DHRSX: variants seen among roughly 807,000 people sequenced by gnomAD.
DHRSX encodes dehydrogenase/reductase X-linked.
In DHRSX, 31 loss-of-function variants were observed where a neutral mutation model predicts 34.0. The observed-to-expected ratio is 0.91, with a 90% CI of 0.69 to 1.23. DHRSX has a LOEUF of 1.23. Among genes scored for constraint, DHRSX ranks in the 50% most tolerant of loss-of-function variants. DHRSX has a pLI of 0.00. For missense variants in DHRSX, 414 were observed against 428.1 expected (o/e 0.97, Z 0.29); for synonymous variants, 201 against 183.8 (o/e 1.09, Z -0.76).
chrX:2,400,869 C>A (rs1383883571), intron 3 of DHRSX, among the ~76,000 whole-genome samples: 6 of 152,162 alleles, frequency 3.9e-5, no homozygotes, highest in Non-Finnish European at 8.8e-5. Flanking sequence ...TTTTATAGGT[C>A]ATTGGATAGG....
At chrX:2,386,156 A>ATTATTTAT (rs768572407) in intron 3 of DHRSX, among the ~76,000 whole-genome samples, 15,884 of 143,802 alleles carry the variant, frequency 0.11, 937 homozygotes, top group Middle Eastern at 0.18. Flanking sequence ...TAGATAATCA[A>ATTATTTAT]TTATTTATTT....
rs2043825695 is a variant in DHRSX at position 2,425,098 on chromosome X, C to T, written c.217+99G>A. ...GAGGCTGCAGTGAGCCAAGATTGCACCACTGCAGTCCAGCACGGGTTGACG... is the reference window on the plus strand; with the variant it reads ...GAGGCTGCAGTGAGCCAAGATTGCATCACTGCAGTCCAGCACGGGTTGACG... On this transcript the variant is annotated intron_variant, in intron 2 of 6. Transcript: ENST00000334651. The T allele has an allele frequency of 5.7e-6, 5 of 881,872 alleles. No individual in the cohort carries two copies. In the Admixed American group the frequency reaches 1.1e-4, roughly 19 times the overall value. The allele number at this position is 881,872 out of a possible 1,614,324, so 54.6% of individuals were successfully genotyped here.
rs1049305002 is a variant in DHRSX, at chrX:2,349,900, G to A, written c.287-58297C>T. Among the ~76,000 whole-genome samples the A allele has an allele frequency of 6.7e-4, 96 of 142,726 alleles. 2 individuals carry two copies. The highest frequency in any genetic ancestry group is 2.1e-4 in the Non-Finnish European group (13 of 62,796). 93.6% of individuals were successfully genotyped at this position (142,726 alleles called of 152,430 possible). A position where few individuals can be genotyped will look rare whatever the true frequency, so the allele number is the denominator to read the frequency against. ...AAAAATACAAAAAAATTAGCCAGGC[G>A]TGGTGGCAGGCGCCTGCAGTCCCAG... On this transcript the variant is annotated intron_variant, in intron 3 of 6. Coordinates refer to ENST00000334651, the MANE Select transcript of DHRSX (RefSeq NM_145177.3).
At chrX:2,226,970 G>C (rs774873292) in intron 6 of DHRSX, among the ~76,000 whole-genome samples, 2 of 149,590 alleles carry the variant, frequency 1.3e-5, no homozygotes, top group South Asian at 4.6e-4. Flanking sequence ...TGCAGAATAA[G>C]AAGGGTTCGA....
At chrX:2,221,285 G>C in intron 6 of DHRSX, 56 bp from the exon 7 acceptor site, 1 of 1,560,502 alleles carries the variant, frequency 6.4e-7, no homozygotes, top group Non-Finnish European at 8.7e-7. Flanking sequence ...CAGGAAACAG[G>C]AGTCTCAGGA....
intron 1 of DHRSX, among the ~76,000 whole-genome samples, chrX:2,441,286 GC>G (rs2044059378): frequency 6.6e-6 from 1 of 152,180 alleles, no homozygotes; most frequent in Admixed American, 6.5e-5. Flanking sequence ...AGGGGAAGAG[GC>G]CTGGTCCCTG....
At position 2,490,528 on chromosome X, in the gene DHRSX, G is replaced by A. The variant is rs184658668; in HGVS notation, c.109+10289C>T. 87 of 1,614,004 alleles carry A rather than the reference G, an allele frequency of 5.4e-5. No individual in the cohort carries two copies. In the East Asian group the frequency reaches 8.5e-4, roughly 16 times the overall value. ...CGGGGTGGTTCTTCTCCAGGTGGTA[G>A]GACAGGTTGGAGGTGTTTCCGGAGT... On this transcript the variant is annotated intron_variant, in intron 1 of 6. Transcript: ENST00000334651.
chrX:2,235,798 TAATA>T, intron 6 of DHRSX, among the ~76,000 whole-genome samples: 1 of 145,688 alleles, frequency 6.9e-6, no homozygotes, highest in African/African-American at 2.5e-5. Flanking sequence ...TTTAAATTTA[TAATA>T]AATAAGCAAA....
At chrX:2,323,129 G>A (rs189360727) in intron 3 of DHRSX, among the ~76,000 whole-genome samples, 2 of 151,594 alleles carry the variant, frequency 1.3e-5, no homozygotes, top group Admixed American at 1.3e-4. Context: ...AGCCAGAGCT[G>A]ACTAAGACAG....
At chrX:2,418,929 T>A (rs1446355529) in intron 2 of DHRSX, among the ~76,000 whole-genome samples, 2 of 149,422 alleles carry the variant, frequency 1.3e-5, no homozygotes, top group Non-Finnish European at 3.0e-5. Context: ...GAACCCCCCC[T>A]GCCCTACATC....
intron 5 of DHRSX, among the ~76,000 whole-genome samples, chrX:2,247,105 T>C (rs922485508): frequency 2.6e-5 from 4 of 152,016 alleles, no homozygotes; most frequent in African/African-American, 7.2e-5. Flanking sequence ...TACACCACCA[T>C]GCCCAGATAA....
chrX:2,344,571 G>A (rs758398421), intron 3 of DHRSX, among the ~76,000 whole-genome samples: 2 of 152,080 alleles, frequency 1.3e-5, no homozygotes, highest in East Asian at 3.9e-4. Context: ...GCAGGGACAT[G>A]GATGAAGCTG....
intron 3 of DHRSX, among the ~76,000 whole-genome samples, chrX:2,304,315 GGATGGATGGATGGATGGATGAACT>G (rs773612703): frequency 1.5e-5 from 2 of 130,206 alleles, no homozygotes; most frequent in Non-Finnish European, 3.2e-5. Flanking sequence ...ATGGATGAAT[GGATGGATGGATGGATGGATGAACT>G]GATGGATGGA....
chrX:2,441,304 C>T (rs148017912), intron 1 of DHRSX, among the ~76,000 whole-genome samples: 1 of 152,088 alleles, frequency 6.6e-6, no homozygotes, highest in Non-Finnish European at 1.5e-5. Flanking sequence ...CCTGGGTTCT[C>T]CAAGGCAACG....
At chrX:2,237,803 C>T (rs1364295528) in intron 6 of DHRSX, among the ~76,000 whole-genome samples, 4 of 152,066 alleles carry the variant, frequency 2.6e-5, no homozygotes, top group South Asian at 2.1e-4. Flanking sequence ...CACTCCCAGC[C>T]GATAGCTCTT....
chrX:2,321,796 A>G (rs2042314965), intron 3 of DHRSX, among the ~76,000 whole-genome samples: 1 of 151,758 alleles, frequency 6.6e-6, no homozygotes, highest in Non-Finnish European at 1.5e-5. Context: ...ATTTTCTTCT[A>G]CCTCTGCCAC....
intron 4 of DHRSX, among the ~76,000 whole-genome samples, chrX:2,267,283 C>T (rs896611796): frequency 6.6e-6 from 1 of 152,078 alleles, no homozygotes; most frequent in Non-Finnish European, 1.5e-5. Flanking sequence ...GAAGTTCATG[C>T]CTGTCATCCC....
chrX:2,230,484 T>C (rs189482236), intron 6 of DHRSX, among the ~76,000 whole-genome samples: 69 of 152,308 alleles, frequency 4.5e-4, no homozygotes, highest in African/African-American at 1.6e-3. Flanking sequence ...ACACAGGTCT[T>C]AAGTGGGCTC....
chrX:2,292,380 T>A (rs1391585132), intron 3 of DHRSX, among the ~76,000 whole-genome samples: 2 of 152,174 alleles, frequency 1.3e-5, no homozygotes, highest in East Asian at 3.9e-4. Flanking sequence ...GATGACACTT[T>A]GGTTATAGCC....
Sources: gnomAD v4.1 joint callset for allele counts (sites outside exome capture counted in the v4.1 genomes callset) on GRCh38, gnomAD v4.1.1 for gene constraint, MANE v1.5 for transcripts, NCBI Gene and HGNC (gene_info 2026-07-23, HGNC 2026-07-21) for gene names.